The following BICRAL variants were observed in gnomAD, a reference collection of about 807,000 sequenced individuals.
The protein encoded by BICRAL is BRD4-interacting chromatin-remodeling complex-associated protein-like.
In BICRAL, 8 loss-of-function variants were observed where a neutral mutation model predicts 91.8. That is an observed-to-expected ratio of 0.09 (90% CI 0.05 to 0.16). The LOEUF is 0.16. BICRAL is among the 10% of genes least tolerant of loss of function. The probability of loss-of-function intolerance (pLI) is 1.00; values close to 1 mark genes in which losing one functional copy is unlikely to be tolerated. For synonymous variants in BICRAL, 445 were observed against 491.1 expected (o/e 0.91, Z 1.24); for missense variants, 1,038 against 1,310.9 (o/e 0.79, Z 3.21).
At chr6:42,775,259 T>C (rs2113849645) in intron 1 of BICRAL, among the ~76,000 whole-genome samples, 1 of 152,326 alleles carries the variant, frequency 6.6e-6, no homozygotes, top group South Asian at 2.1e-4. Flanking sequence ...TTCAGATGTT[T>C]TACCTCTTAG....
intron 2 of BICRAL, among the ~76,000 whole-genome samples, chr6:42,812,909 C>T (rs1763880372): frequency 6.6e-6 from 1 of 152,140 alleles, no homozygotes; most frequent in Non-Finnish European, 1.5e-5. Flanking sequence ...ATGGCAAGTG[C>T]CTGTGGTCCC....
intron 6 of BICRAL, among the ~76,000 whole-genome samples, chr6:42,847,337 T>G (rs997368273): frequency 6.6e-5 from 10 of 152,180 alleles, no homozygotes; most frequent in Non-Finnish European, 1.2e-4. Context: ...TTTATCAAAT[T>G]GAGAAAGATC....
rs774964976 is a variant in BICRAL, at chr6:42,864,929, A to G, written c.2723A>G (p.Lys908Arg). The G allele has an allele frequency of 8.7e-6, 14 of 1,614,202 alleles. No individual in the cohort carries two copies. The highest frequency in any genetic ancestry group is 2.7e-5 in the African/African-American group (2 of 75,056). The change falls in exon 13 of 13, where the codon AAA becomes AGA. Residue 908 changes from lysine (K) to arginine (R), a missense_variant. Physicochemically the swap from Lys to Arg is conservative, Grantham distance 26 (BLOSUM62 2). Around this residue, in one of 5 missense-constraint regions of BICRAL, gnomAD observed 294 missense variants for 292.6 expected, o/e 1.00. Transcript: ENST00000314073. ...CTTGGCAGAGCACTGAAATTTGACA[A>G]AGTGGGCTTAGTGCAGTACCAGAGC... Reference protein sequence around the residue: ...ECLGRALKFDKVGLVQYQSTS... With the variant: ...ECLGRALKFDRVGLVQYQSTS...
At chr6:42,835,236 C>T (rs1401632539) in intron 6 of BICRAL, among the ~76,000 whole-genome samples, 6 of 151,910 alleles carry the variant, frequency 3.9e-5, no homozygotes, top group South Asian at 2.1e-4. Flanking sequence ...TCAAGCTATT[C>T]GCCTGCCTCA....
At chr6:42,750,283 C>G (rs187633638) in intron 1 of BICRAL, among the ~76,000 whole-genome samples, 1 of 152,162 alleles carries the variant, frequency 6.6e-6, no homozygotes, top group Non-Finnish European at 1.5e-5. Flanking sequence ...ACCTTAGCCT[C>G]CTGAGTAGCT....
intron 10 of BICRAL, among the ~76,000 whole-genome samples, chr6:42,858,620 C>A (rs1765460206): frequency 6.6e-6 from 1 of 151,112 alleles, no homozygotes; most frequent in South Asian, 2.1e-4. Flanking sequence ...GAGTTCGAGA[C>A]CAGCCTGACC....
intron 1 of BICRAL, among the ~76,000 whole-genome samples, chr6:42,795,869 A>C (rs1013701510): frequency 1.3e-5 from 2 of 152,212 alleles, no homozygotes; most frequent in African/African-American, 2.4e-5. Flanking sequence ...TCATCATCAA[A>C]TATTTATTAA....
Position 42,867,923 on chromosome 6 carries a change from A to T in BICRAL, c.*2477A>T, listed in dbSNP as rs1474016522. ...TATTTCACTCCTGTGATTAGGTTCT[A>T]CGCACATGGGTCATAACTCGCATGT... On this transcript the variant is annotated 3_prime_UTR_variant, in exon 13 of 13. Transcript: ENST00000314073. 1 of 152,608 alleles carries T rather than the reference A, an allele frequency of 6.6e-6. No homozygotes were observed. Among genetic ancestry groups the T allele is most frequent in the Non-Finnish European group, 1.5e-5 (1 of 68,038 alleles). The allele number at this position is 152,608 out of a possible 1,614,324, so 9.5% of individuals were successfully genotyped here. A position where few individuals can be genotyped will look rare whatever the true frequency, so the allele number is the denominator to read the frequency against.
In BICRAL at chr6:42,829,185, C is replaced by T. The variant is rs749979308; in HGVS notation, c.852C>T (p.Ser284=). ...AGCCTGTTACCGTTCCATTTAACAGCACAAATTTTCAAACATCTTTACCTG... is the reference window on the plus strand; with the variant it reads ...AGCCTGTTACCGTTCCATTTAACAGTACAAATTTTCAAACATCTTTACCTG... ...VAQPVTVPFN[S]TNFQTSLPVH... The change falls in exon 6 of 13, where the codon AGC becomes AGT. Residue 284 remains serine (S), a synonymous_variant. Coordinates refer to ENST00000314073, the MANE Select transcript of BICRAL (RefSeq NM_001393499.1). 3 of 1,614,002 alleles carry T rather than the reference C, an allele frequency of 1.9e-6. No individual in the cohort carries two copies. The African/African-American group carries it at 4.0e-5, about 22-fold the overall frequency.
chr6:42,780,601 T>G (rs1762883370), upstream of BICRAL, among the ~76,000 whole-genome samples: 1 of 152,192 alleles, frequency 6.6e-6, no homozygotes, highest in Admixed American at 6.5e-5. Flanking sequence ...TTCTGTACAA[T>G]TCACCTTTTA....
intron 1 of BICRAL, among the ~76,000 whole-genome samples, chr6:42,802,684 T>G (rs1192350457): frequency 6.6e-6 from 1 of 152,084 alleles, no homozygotes; most frequent in Non-Finnish European, 1.5e-5. Flanking sequence ...TGACCTCAGG[T>G]GATCTGCCCA....
At chr6:42,784,886 C>T (rs4714626) in intron 1 of BICRAL, among the ~76,000 whole-genome samples, 50,830 of 151,852 alleles carry the variant, frequency 0.33, 8,796 homozygotes, top group South Asian at 0.43. Context: ...ACCCTGCACC[C>T]GCTATATCCA....
chr6:42,857,840 C>T (rs1461255233), intron 10 of BICRAL, among the ~76,000 whole-genome samples: 2 of 118,066 alleles, frequency 1.7e-5, no homozygotes, highest in Admixed American at 1.1e-4. Context: ...GATGGAGTCT[C>T]GCTCTGTCAC....
At chr6:42,854,694 AT>A (rs371769111) in intron 8 of BICRAL, among the ~76,000 whole-genome samples, 2 of 150,260 alleles carry the variant, frequency 1.3e-5, no homozygotes, top group African/African-American at 4.9e-5. Flanking sequence ...ATATTTTTAT[AT>A]TTTTTTTAAG....
chr6:42,781,454 G>A (rs1020745302), upstream of BICRAL, among the ~76,000 whole-genome samples: 3 of 151,834 alleles, frequency 2.0e-5, no homozygotes, highest in Admixed American at 6.6e-5. Flanking sequence ...GTTAAAAGTC[G>A]TTTTGGTTTT....
chr6:42,751,654 CTTTTTTTTT>C (rs1190737893), intron 1 of BICRAL, among the ~76,000 whole-genome samples: 2 of 116,568 alleles, frequency 1.7e-5, no homozygotes, highest in Non-Finnish European at 3.5e-5. Context: ...TCTTTCTTTT[CTTTTTTTTT>C]TTTTTTTTTT....
chr6:42,818,114 T>C (rs1393989126), intron 2 of BICRAL, among the ~76,000 whole-genome samples: 2 of 152,172 alleles, frequency 1.3e-5, no homozygotes, highest in African/African-American at 4.8e-5. Flanking sequence ...TGAGTCTGTA[T>C]CCTGTCAGTG....
rs572306676 is a variant in BICRAL, at chr6:42,810,396, G to A, written c.-11G>A. Reference sequence around the variant, plus strand: ...CAAAAATTGTAGCACTTCTCACATTGCAATGGTAATGAATTGTTGCATGTC... The same window carrying A: ...CAAAAATTGTAGCACTTCTCACATTACAATGGTAATGAATTGTTGCATGTC... On this transcript the variant is annotated 5_prime_UTR_variant, in exon 2 of 13. Coordinates refer to ENST00000314073, the MANE Select transcript of BICRAL (RefSeq NM_001393499.1). 1.6e-4 allele frequency: 25 copies of A among 152,314 alleles called. 1 individual carries two copies. In the South Asian group the frequency reaches 5.0e-3, roughly 30 times the overall value. The allele number at this position is 152,314 out of a possible 1,614,324, so 9.4% of individuals were successfully genotyped here.
At chr6:42,825,251 C>T (rs994608477) in intron 5 of BICRAL, among the ~76,000 whole-genome samples, 6 of 127,346 alleles carry the variant, frequency 4.7e-5, no homozygotes, top group African/African-American at 1.6e-4. Flanking sequence ...CAGTGCAAGA[C>T]TCTGTCTCAA....
Sources: gnomAD v4.1 joint callset for allele counts (sites outside exome capture counted in the v4.1 genomes callset) on GRCh38, gnomAD v4.1.1 for gene constraint, gnomAD v4.1.1 regional missense constraint, MANE v1.5 for transcripts, NCBI Gene and HGNC (gene_info 2026-07-23, HGNC 2026-07-21) for gene names.